The following NEURL1B variants were observed in gnomAD, a reference collection of about 807,000 sequenced individuals.
The protein encoded by NEURL1B is E3 ubiquitin-protein ligase NEURL1B.
A neutral mutation model predicts 37.4 loss-of-function variants in NEURL1B; 13 were observed. That is an observed-to-expected ratio of 0.35 (90% CI 0.23 to 0.55). The LOEUF is 0.55. Among genes scored for constraint, NEURL1B ranks in the 20% least tolerant of loss-of-function variants. NEURL1B has a pLI of 0.89. For synonymous variants in NEURL1B, 432 were observed against 426.6 expected, an observed-to-expected ratio of 1.01 and a Z score of -0.16; for missense variants, 790 against 879.2, an observed-to-expected ratio of 0.90 and a Z score of 1.28.
chr5:172,642,474 T>G (rs1419112940), intron 1 of NEURL1B, among the ~76,000 whole-genome samples: 1 of 152,136 alleles, frequency 6.6e-6, no homozygotes, highest in Non-Finnish European at 1.5e-5. Context: ...AAGGCTCGGC[T>G]CAATGGGGAA....
At chr5:172,648,369 A>G (rs1375595970) in intron 1 of NEURL1B, among the ~76,000 whole-genome samples, 2 of 152,228 alleles carry the variant, frequency 1.3e-5, no homozygotes, top group Non-Finnish European at 2.9e-5. Flanking sequence ...GGAGACAGAC[A>G]CAAAAGAATA....
intron 1 of NEURL1B, among the ~76,000 whole-genome samples, chr5:172,654,904 A>G (rs1757737225): frequency 6.6e-6 from 1 of 152,064 alleles, no homozygotes; most frequent in African/African-American, 2.4e-5. Context: ...AATAGGGTAC[A>G]CTGGTTTTTT....
chr5:172,645,068 C>T (rs1757535253), intron 1 of NEURL1B, among the ~76,000 whole-genome samples: 3 of 152,222 alleles, frequency 2.0e-5, no homozygotes, highest in Non-Finnish European at 2.9e-5. Context: ...GCTCAATAAC[C>T]GGGCATCCTG....
intron 1 of NEURL1B, among the ~76,000 whole-genome samples, chr5:172,645,280 G>A (rs1470340608): frequency 5.9e-5 from 9 of 152,136 alleles, no homozygotes; most frequent in Non-Finnish European, 1.5e-5. Context: ...CCTAACCTAC[G>A]TGGACAGTCT....
At chr5:172,644,357 A>G (rs1184904173) in intron 1 of NEURL1B, among the ~76,000 whole-genome samples, 1 of 152,138 alleles carries the variant, frequency 6.6e-6, no homozygotes, top group East Asian at 1.9e-4. Context: ...ATTTAGGTTA[A>G]CTTAGCTCCA....
At position 172,641,323 on chromosome 5, in the gene NEURL1B, C is replaced by G; in HGVS notation, c.-84C>G. 1 of 1,235,750 alleles carries G rather than the reference C, an allele frequency of 8.1e-7. No individual in the cohort carries two copies. Among genetic ancestry groups the G allele is most frequent in the Non-Finnish European group, 1.0e-6 (1 of 973,246 alleles). The allele number at this position is 1,235,750 out of a possible 1,614,324, so 76.5% of individuals were successfully genotyped here. A position where few individuals can be genotyped will look rare whatever the true frequency, so the allele number is the denominator to read the frequency against. On this transcript the variant is annotated 5_prime_UTR_variant, in exon 1 of 5. Coordinates refer to ENST00000369800, the MANE Select transcript of NEURL1B (RefSeq NM_001142651.3). The surrounding 1 kb of genome is among the most constrained non-coding windows in gnomAD (Gnocchi z 6.4). ...AGCTGCGATGCCCCGGAGCGTCGAC[C>G]CCGGTCCTGGTCCCTGGCCCGCCGC...
At position 172,647,875 on chromosome 5, in the gene NEURL1B, C is replaced by A. The variant is rs1303440648; in HGVS notation, c.31+6438C>A. 6.6e-6 allele frequency among the ~76,000 whole-genome samples: 1 copy of A among 152,108 alleles called. No individual in the cohort carries two copies. Among genetic ancestry groups the A allele is most frequent in the African/African-American group, 2.4e-5 (1 of 41,400 alleles). ...GACTCATCTGCCTGGTAAAAACTGGCCCATGCTGACACCCCCAGCCCCCAA... is the reference window on the plus strand; with the variant it reads ...GACTCATCTGCCTGGTAAAAACTGGACCATGCTGACACCCCCAGCCCCCAA... On this transcript the variant is annotated intron_variant, in intron 1 of 4. Coordinates refer to ENST00000369800, the MANE Select transcript of NEURL1B (RefSeq NM_001142651.3). This position sits in a 1 kb window ranked among gnomAD's most constrained non-coding sequence, Gnocchi z 4.2.
intron 2 of NEURL1B, among the ~76,000 whole-genome samples, chr5:172,672,540 T>TCCG (rs1554098437): frequency 7.3e-6 from 1 of 136,202 alleles, no homozygotes; most frequent in Admixed American, 7.4e-5. Context: ...AGGTGAACTC[T>TCCG]CCCCCCCCCA....
Position 172,657,918 on chromosome 5 carries a change from G to GA in NEURL1B, c.32-11863dup, listed in dbSNP as rs1757824954. Reference sequence around the variant, plus strand: ...AGTAGATAGTGGTAGAAGGAATAGGGAAAATCTTAAAGTGTTTGATCTTTC... The same window carrying GA: ...AGTAGATAGTGGTAGAAGGAATAGGGAAAAATCTTAAAGTGTTTGATCTTTC... On this transcript the variant is annotated intron_variant, in intron 1 of 4. Coordinates refer to ENST00000369800, the MANE Select transcript of NEURL1B (RefSeq NM_001142651.3). The surrounding 1 kb of genome is among the most constrained non-coding windows in gnomAD (Gnocchi z 4.0). 6.6e-6 allele frequency among the ~76,000 whole-genome samples: 1 copy of GA among 152,188 alleles called. No homozygotes were observed. The highest frequency in any genetic ancestry group is 2.1e-4 in the South Asian group (1 of 4,820).
chr5:172,642,217 A>G (rs555761004), intron 1 of NEURL1B, among the ~76,000 whole-genome samples: 2 of 152,316 alleles, frequency 1.3e-5, no homozygotes, highest in East Asian at 3.9e-4. Flanking sequence ...CTCGGTATGC[A>G]AAGAAGCTTC....
Position 172,669,951 on chromosome 5 carries a change from C to G in NEURL1B, c.198C>G (p.Cys66Trp). ...SRRATRRNSFCNGVTFTQRPI... is the reference protein window; with the variant it reads ...SRRATRRNSFWNGVTFTQRPI... ...GGGCCACACGGCGCAACAGCTTCTG[C>G]AATGGCGTCACGTTCACGCAGCGGC... The change falls in exon 2 of 5, where the codon TGC (cysteine) becomes TGG (tryptophan). Residue 66 changes from cysteine to tryptophan, a missense_variant. Coordinates refer to ENST00000369800, the MANE Select transcript of NEURL1B (RefSeq NM_001142651.3). 3 of 1,454,454 alleles carry G rather than the reference C, an allele frequency of 2.1e-6. No homozygotes were observed. The highest frequency in any genetic ancestry group is 2.7e-6 in the Non-Finnish European group (3 of 1,109,090). 90.1% of individuals were successfully genotyped at this position (1,454,454 alleles called of 1,614,324 possible). A position where few individuals can be genotyped will look rare whatever the true frequency, so the allele number is the denominator to read the frequency against.
chr5:172,648,138 G>A (rs1581418819), intron 1 of NEURL1B, among the ~76,000 whole-genome samples: 1 of 152,300 alleles, frequency 6.6e-6, no homozygotes, highest in South Asian at 2.1e-4. Flanking sequence ...TTCCTTCTCG[G>A]GTCTGAGTCT....
chr5:172,666,181 A>AACCACC (rs112793091), intron 1 of NEURL1B, among the ~76,000 whole-genome samples: 1 of 148,126 alleles, frequency 6.8e-6, no homozygotes, highest in East Asian at 1.9e-4. Flanking sequence ...AACAAACAAC[A>AACCACC]ACCACCACCA....
At chr5:172,680,140 G>A (rs1171145997) in intron 2 of NEURL1B, among the ~76,000 whole-genome samples, 2 of 152,138 alleles carry the variant, frequency 1.3e-5, no homozygotes, top group Non-Finnish European at 2.9e-5. Context: ...CATAATTAAT[G>A]TTTTGAGCAC....
chr5:172,641,293 C>A lies in NEURL1B; in HGVS notation c.-114C>A, dbSNP rs898918808. 58 of 962,346 alleles carry A rather than the reference C, an allele frequency of 6.0e-5. 1 individual carries two copies. In the South Asian group the frequency reaches 1.9e-3, roughly 32 times the overall value. 59.6% of individuals were successfully genotyped at this position (962,346 alleles called of 1,614,324 possible). A position where few individuals can be genotyped will look rare whatever the true frequency, so the allele number is the denominator to read the frequency against. Reference sequence around the variant, plus strand: ...CCCAGCTGCCGCCCGCCGGCTCGCCCGTGCAGCTGCGATGCCCCGGAGCGT... The same window carrying A: ...CCCAGCTGCCGCCCGCCGGCTCGCCAGTGCAGCTGCGATGCCCCGGAGCGT... On this transcript the variant is annotated 5_prime_UTR_variant, in exon 1 of 5. Coordinates refer to ENST00000369800, the MANE Select transcript of NEURL1B (RefSeq NM_001142651.3). The surrounding 1 kb of genome is among the most constrained non-coding windows in gnomAD (Gnocchi z 6.4).
At position 172,684,144 on chromosome 5, in the gene NEURL1B, T is replaced by C; in HGVS notation, c.1297+6T>C. On this transcript the variant is annotated splice_donor_region_variant and intron_variant, in intron 3 of 4. Transcript: ENST00000369800. ...GGGCCAGCTGCGTCTCCTCGGTGAG[T>C]CCCCGGCCCCGCGTGCGCGAGGCCC... 8.1e-7 allele frequency: 1 copy of C among 1,231,738 alleles called. No homozygotes were observed. Among genetic ancestry groups the C allele is most frequent in the Non-Finnish European group, 1.0e-6 (1 of 986,792 alleles). The allele number at this position is 1,231,738 out of a possible 1,614,324, so 76.3% of individuals were successfully genotyped here. A position where few individuals can be genotyped will look rare whatever the true frequency, so the allele number is the denominator to read the frequency against.
In NEURL1B at chr5:172,690,870, T is replaced by G. The variant is rs1267679005; in HGVS notation, c.*3945T>G. On this transcript the variant is annotated 3_prime_UTR_variant, in exon 5 of 5. Transcript: ENST00000369800. ...GAGACACAGTGAGGAGGTTGGCTAA[T>G]TGCTGCTTTCAGGCCCTGGAAATCA... The G allele has an allele frequency of 1.3e-5, 2 of 152,278 alleles. No individual in the cohort carries two copies. The highest frequency in any genetic ancestry group is 2.9e-5 in the Non-Finnish European group (2 of 68,100). 9.4% of individuals were successfully genotyped at this position (152,278 alleles called of 1,614,324 possible).
At chr5:172,643,544 C>T (rs745501304) in intron 1 of NEURL1B, among the ~76,000 whole-genome samples, 16 of 152,192 alleles carry the variant, frequency 1.1e-4, no homozygotes, top group Non-Finnish European at 1.9e-4. Flanking sequence ...GCAATGACTG[C>T]ATTGTCACTG....
intron 1 of NEURL1B, among the ~76,000 whole-genome samples, chr5:172,659,216 C>A (rs2113282739): frequency 6.6e-6 from 1 of 152,270 alleles, no homozygotes; most frequent in Middle Eastern, 3.4e-3. Flanking sequence ...AAGAACATTT[C>A]TTCAGTCCAG....
Sources: allele counts gnomAD v4.1 joint callset (sites outside exome capture counted in the v4.1 genomes callset), GRCh38; gene constraint gnomAD v4.1.1; non-coding constraint Gnocchi (gnomAD v3.1); transcripts MANE v1.5; gene names NCBI Gene and HGNC (gene_info 2026-07-23, HGNC 2026-07-21).